Variants in ALG5 observed in about 807,000 individuals in gnomAD.
The protein encoded by ALG5 is ALG5 dolichyl-phosphate beta-glucosyltransferase.
ALG5 carries 26 observed loss-of-function variants against 51.8 expected under a neutral mutation model. The observed-to-expected ratio is 0.50, with a 90% CI of 0.37 to 0.70. The LOEUF (loss-of-function observed/expected upper bound fraction) is 0.70, where lower values mean the gene tolerates loss of function less well. Ranked by LOEUF, ALG5 falls within the 30% of genes least tolerant of loss-of-function variation. ALG5 has a pLI of 0.00. For missense variants in ALG5, 311 were observed against 399.3 expected, an observed-to-expected ratio of 0.78 and a Z score of 1.88; for synonymous variants, 141 against 136.1, an observed-to-expected ratio of 1.04 and a Z score of -0.25.
At chr13:36,990,356 C>T (rs1185865562) in intron 4 of ALG5, among the ~76,000 whole-genome samples, 2 of 152,232 alleles carry the variant, frequency 1.3e-5, no homozygotes, top group African/African-American at 2.4e-5. Flanking sequence ...TCTCCTTTGA[C>T]AACCATCTCT....
intron 6 of ALG5, among the ~76,000 whole-genome samples, chr13:36,978,537 A>G (rs1403950653): frequency 6.6e-6 from 1 of 152,152 alleles, no homozygotes; most frequent in African/African-American, 2.4e-5. Context: ...GGAGAAAAGG[A>G]ATAGATAGAG....
intron 6 of ALG5, among the ~76,000 whole-genome samples, chr13:36,981,881 G>C (rs952857115): frequency 2.6e-5 from 4 of 152,228 alleles, no homozygotes; most frequent in African/African-American, 9.6e-5. Context: ...GAAGTCAGGA[G>C]ATAGAGACCA....
intron 7 of ALG5, among the ~76,000 whole-genome samples, chr13:36,966,442 A>G (rs1207015898): frequency 6.6e-6 from 1 of 152,268 alleles, no homozygotes; most frequent in Non-Finnish European, 1.5e-5. Context: ...ACATAAGATT[A>G]TTATCACTGG....
chr13:36,972,609 CAT>C (rs2058929526), intron 6 of ALG5, among the ~76,000 whole-genome samples: 1 of 152,074 alleles, frequency 6.6e-6, no homozygotes, highest in Admixed American at 6.5e-5. Context: ...ATAAAGGAAA[CAT>C]GTAAATGCTA....
Position 36,952,499 on chromosome 13 carries a change from A to G in ALG5, c.859+15T>C. 6.4e-7 allele frequency: 1 copy of G among 1,566,886 alleles called. No individual in the cohort carries two copies. The highest frequency in any genetic ancestry group is 8.7e-7 in the Non-Finnish European group (1 of 1,152,510). On this transcript the variant is annotated intron_variant, in intron 9 of 9. Coordinates refer to ENST00000239891, the MANE Select transcript of ALG5 (RefSeq NM_013338.5). ...ATCTGACTCAAGACAATCATACAATAAACAATATACTCACCTTCAATTTCT... is the reference window on the plus strand; with the variant it reads ...ATCTGACTCAAGACAATCATACAATGAACAATATACTCACCTTCAATTTCT...
chr13:36,994,044 C>T (rs566028979), intron 3 of ALG5, among the ~76,000 whole-genome samples: 1 of 152,250 alleles, frequency 6.6e-6, no homozygotes, highest in East Asian at 1.9e-4. Context: ...AGCTTGGCTG[C>T]AGCATTTCTT....
At chr13:36,974,714 C>A (rs940153901) in intron 6 of ALG5, among the ~76,000 whole-genome samples, 11 of 151,154 alleles carry the variant, frequency 7.3e-5, no homozygotes, top group East Asian at 1.9e-4. Flanking sequence ...TATGTAAAGC[C>A]CCCCCACCAC....
chr13:36,995,395 C>A, intron 2 of ALG5, 30 bp downstream of exon 2: 5 of 1,582,422 alleles, frequency 3.2e-6, no homozygotes, highest in Non-Finnish European at 4.3e-6. Flanking sequence ...CCAAACTACC[C>A]TTTACCAAAA....
chr13:36,972,768 A>G (rs1005161026), intron 6 of ALG5, among the ~76,000 whole-genome samples: 19 of 152,124 alleles, frequency 1.2e-4, no homozygotes, highest in Middle Eastern at 3.2e-3. Flanking sequence ...CAAGGAGGGC[A>G]GATCACGAGG....
At chr13:36,990,112 C>A (rs2059019475) in intron 4 of ALG5, among the ~76,000 whole-genome samples, 1 of 152,210 alleles carries the variant, frequency 6.6e-6, no homozygotes, top group African/African-American at 2.4e-5. Flanking sequence ...TCTCTGCTGG[C>A]TCCACAGCCT....
At chr13:36,984,100 A>ATT (rs776760270) in intron 6 of ALG5, among the ~76,000 whole-genome samples, 26 of 139,928 alleles carry the variant, frequency 1.9e-4, no homozygotes, top group East Asian at 4.1e-4. Flanking sequence ...TAGTTCTGTA[A>ATT]TTTTTTTTTT....
At position 36,949,889 on chromosome 13, in the gene ALG5, G is replaced by A; in HGVS notation, c.*53C>T. On this transcript the variant is annotated 3_prime_UTR_variant, in exon 10 of 10. Transcript: ENST00000239891. ...TTTACTTAAAATTTTAGTTTCAAAT[G>A]AAATGAAATGTGACACTGAAGCATA... 1.8e-6 allele frequency: 2 copies of A among 1,107,102 alleles called. No individual in the cohort carries two copies. Among genetic ancestry groups the A allele is most frequent in the Non-Finnish European group, 2.6e-6 (2 of 779,226 alleles). The allele number at this position is 1,107,102 out of a possible 1,614,324, so 68.6% of individuals were successfully genotyped here.
intron 6 of ALG5, among the ~76,000 whole-genome samples, chr13:36,979,079 C>T (rs1257645151): frequency 1.3e-5 from 2 of 152,204 alleles, no homozygotes; most frequent in South Asian, 2.1e-4. Flanking sequence ...TGCAGTGGCA[C>T]GATCTTGGCT....
rs979194984 is a variant in ALG5, at chr13:36,949,772, T to G, written c.*170A>C. The G allele has an allele frequency of 9.1e-6, 4 of 438,276 alleles. No homozygotes were observed. Among genetic ancestry groups the G allele is most frequent in the African/African-American group, 2.0e-5 (1 of 49,386 alleles). 27.1% of individuals were successfully genotyped at this position (438,276 alleles called of 1,614,324 possible). On this transcript the variant is annotated 3_prime_UTR_variant, in exon 10 of 10. Coordinates refer to ENST00000239891, the MANE Select transcript of ALG5 (RefSeq NM_013338.5). ...AAATAAACATCTTTTAAAAATCATT[T>G]ATATCCAAAGAGATATATAATTTTT...
intron 7 of ALG5, among the ~76,000 whole-genome samples, chr13:36,966,954 G>C (rs1012933368): frequency 6.6e-6 from 1 of 152,040 alleles, no homozygotes; most frequent in Non-Finnish European, 1.5e-5. Flanking sequence ...GAGGTGCGGT[G>C]GCTCACACCT....
At chr13:36,955,489 A>G (rs1435745144) in intron 8 of ALG5, among the ~76,000 whole-genome samples, 1 of 152,034 alleles carries the variant, frequency 6.6e-6, no homozygotes. Flanking sequence ...GTTAATACTG[A>G]AAAACAAAAA....
chr13:36,988,155 A>C (rs902024074), intron 5 of ALG5, among the ~76,000 whole-genome samples: 1 of 152,124 alleles, frequency 6.6e-6, no homozygotes, highest in Non-Finnish European at 1.5e-5. Context: ...TGCTGCCCTC[A>C]AAAGATGGTG....
chr13:36,970,976 G>T (rs2058920185), intron 7 of ALG5, among the ~76,000 whole-genome samples: 1 of 151,946 alleles, frequency 6.6e-6, no homozygotes, highest in Non-Finnish European at 1.5e-5. Context: ...ATCCTTAAAA[G>T]GTTTTTGTCA....
chr13:36,957,661 T>C (rs1465804987), intron 8 of ALG5, among the ~76,000 whole-genome samples: 3 of 151,938 alleles, frequency 2.0e-5, no homozygotes, highest in Non-Finnish European at 4.4e-5. Flanking sequence ...AATCCGAAAC[T>C]CTCCCCAAAA....
Sources: gnomAD v4.1 joint callset for allele counts (sites outside exome capture counted in the v4.1 genomes callset) on GRCh38, gnomAD v4.1.1 for gene constraint, MANE v1.5 for transcripts, NCBI Gene and HGNC (gene_info 2026-07-23, HGNC 2026-07-21) for gene names.